ADAM22: variants seen among roughly 807,000 people sequenced by gnomAD.
The protein encoded by ADAM22 is ADAM metallopeptidase domain 22.
A neutral mutation model predicts 144.6 loss-of-function variants in ADAM22; 65 were observed. The observed-to-expected ratio is 0.45, with a 90% CI of 0.37 to 0.55. The LOEUF is 0.55. Among genes scored for constraint, ADAM22 ranks in the 20% least tolerant of loss-of-function variants. ADAM22 has a pLI of 0.00. For missense variants in ADAM22, 974 were observed against 1,184.9 expected (o/e 0.82, Z 2.61); for synonymous variants, 391 against 412.6 (o/e 0.95, Z 0.63).
rs1048650819 is a variant in ADAM22, at chr7:88,168,139, G to A, written c.2194G>A (p.Val732Ile). 1 of 1,612,476 alleles carries A rather than the reference G, an allele frequency of 6.2e-7. No individual in the cohort carries two copies. Among genetic ancestry groups the A allele is most frequent in the Non-Finnish European group, 8.5e-7 (1 of 1,179,276 alleles). Residue 732 changes from valine to isoleucine, a missense_variant and splice_region_variant, in exon 25 of 32, where the codon GTT becomes ATT. By Grantham distance (29) the Val-to-Ile change is conservative. Coordinates refer to ENST00000413139, the MANE Select transcript of ADAM22 (RefSeq NM_001324418.2). ...KTGITLSGNG[V>I]AGTNIIIGII... ...TTCTTTCTTTTTTTTCCTCTCAGGT[G>A]TTGCTGGCACCAATATCATAATAGG...
chr7:87,941,315 T>G (rs1842432912), intron 2 of ADAM22, among the ~76,000 whole-genome samples: 1 of 152,172 alleles, frequency 6.6e-6, no homozygotes, highest in Admixed American at 6.5e-5. Context: ...GCAGTAGGTG[T>G]GCTCCATTTT....
intron 7 of ADAM22, among the ~76,000 whole-genome samples, chr7:88,120,457 C>T (rs1829002836): frequency 6.6e-6 from 1 of 152,120 alleles, no homozygotes; most frequent in Admixed American, 6.6e-5. Flanking sequence ...TTTGTGTCAG[C>T]ACTCTATGAG....
intron 2 of ADAM22, among the ~76,000 whole-genome samples, chr7:87,941,242 T>C (rs1234413316): frequency 6.6e-6 from 1 of 152,168 alleles, no homozygotes; most frequent in Non-Finnish European, 1.5e-5. Context: ...AGATCTACAG[T>C]TTGTCATAGT....
chr7:88,045,888 T>TTGTGTGTGTGTGTGTG lies in ADAM22; in HGVS notation c.324-29708_324-29693dup, dbSNP rs59898382. Reference sequence around the variant, plus strand: ...CATTTTAAGGCTGAGTCGTATTCTATTGTGTGTGTGTGTGTGTGTGTGTGT... The same window carrying TTGTGTGTGTGTGTGTG: ...CATTTTAAGGCTGAGTCGTATTCTATTGTGTGTGTGTGTGTGTGTGTGTGTGTGTGTGTGTGTGTGT... On this transcript the variant is annotated intron_variant, in intron 3 of 31. Transcript: ENST00000413139. Among the ~76,000 whole-genome samples, 135 of 134,014 alleles carry TTGTGTGTGTGTGTGTG rather than the reference T, an allele frequency of 1.0e-3. 2 individuals carry two copies. Among genetic ancestry groups the TTGTGTGTGTGTGTGTG allele is most frequent in the Middle Eastern group, 3.8e-3 (1 of 262 alleles). The allele number at this position is 134,014 out of a possible 152,430, so 87.9% of individuals were successfully genotyped here.
intron 31 of ADAM22, among the ~76,000 whole-genome samples, chr7:88,193,919 A>G (rs1169341209): frequency 6.6e-6 from 1 of 152,242 alleles, no homozygotes; most frequent in African/African-American, 2.4e-5. Flanking sequence ...AGAAGGCACA[A>G]ATAATTAAAA....
intron 9 of ADAM22, 33 bp from the exon 10 acceptor site, chr7:88,130,355 G>C (rs771272638): frequency 3.2e-6 from 5 of 1,566,450 alleles, no homozygotes; most frequent in Non-Finnish European, 4.4e-6. Context: ...TGATCACTTT[G>C]CAAGACCTTC....
chr7:88,082,086 A>G (rs1246605385), intron 4 of ADAM22, among the ~76,000 whole-genome samples: 2 of 152,206 alleles, frequency 1.3e-5, no homozygotes, highest in African/African-American at 2.4e-5. Flanking sequence ...ACTTCAAACT[A>G]TACTACAAGG....
chr7:87,935,090 C>T lies in ADAM22; in HGVS notation c.150C>T (p.Ile50=). The change falls in exon 2 of 32, where the codon ATC becomes ATT. Residue 50 remains isoleucine (I), a synonymous_variant. Coordinates refer to ENST00000413139, the MANE Select transcript of ADAM22 (RefSeq NM_001324418.2). ...ACCGCTTCGTGGAGCGCCAGAGCAT[C>T]GTGCCACTGCGCCTCATCTACCGCT... ...KENRFVERQS[I]VPLRLIYRSG... 3 of 1,614,104 alleles carry T rather than the reference C, an allele frequency of 1.9e-6. No homozygotes were observed. Among genetic ancestry groups the T allele is most frequent in the South Asian group, 2.2e-5 (2 of 91,084 alleles).
chr7:87,988,086 A>G (rs1788893099), intron 3 of ADAM22, among the ~76,000 whole-genome samples: 1 of 152,208 alleles, frequency 6.6e-6, no homozygotes, highest in African/African-American at 2.4e-5. Flanking sequence ...AAAGAAACAA[A>G]GAAAGATTAA....
intron 2 of ADAM22, among the ~76,000 whole-genome samples, chr7:87,943,315 GTAA>G (rs1430683279): frequency 6.6e-6 from 1 of 151,712 alleles, no homozygotes; most frequent in Admixed American, 6.6e-5. Context: ...GGTTATACAG[GTAA>G]TAAGTGGTAG....
intron 3 of ADAM22, among the ~76,000 whole-genome samples, chr7:87,985,298 G>A (rs929138782): frequency 2.7e-5 from 4 of 150,146 alleles, no homozygotes; most frequent in African/African-American, 7.4e-5. Flanking sequence ...GGGCGACAGA[G>A]TGAGACTCCA....
intron 7 of ADAM22, among the ~76,000 whole-genome samples, chr7:88,124,254 C>A (rs190551423): frequency 8.6e-5 from 13 of 151,752 alleles, no homozygotes; most frequent in African/African-American, 3.1e-4. Context: ...TTTCTCCTTT[C>A]AGGTCTGTCA....
chr7:88,183,525 T>G (rs553093331), intron 29 of ADAM22, among the ~76,000 whole-genome samples: 3 of 152,120 alleles, frequency 2.0e-5, no homozygotes, highest in Non-Finnish European at 4.4e-5. Flanking sequence ...CTAGAGCAGT[T>G]ACTTATTTTT....
intron 2 of ADAM22, among the ~76,000 whole-genome samples, chr7:87,964,977 G>T (rs151227919): frequency 6.6e-5 from 10 of 152,280 alleles, no homozygotes; most frequent in African/African-American, 2.2e-4. Context: ...AGGGCTGGTA[G>T]TCTGTTTTCT....
intron 14 of ADAM22, among the ~76,000 whole-genome samples, chr7:88,138,179 C>T (rs1262475364): frequency 2.0e-5 from 3 of 152,062 alleles, no homozygotes; most frequent in Admixed American, 6.6e-5. Context: ...TAAAATATTT[C>T]TCCAAAAATC....
At chr7:87,990,323 A>G (rs1374602573) in intron 3 of ADAM22, among the ~76,000 whole-genome samples, 2 of 152,230 alleles carry the variant, frequency 1.3e-5, no homozygotes, top group East Asian at 1.9e-4. Flanking sequence ...TCATTTTTCT[A>G]CAGACACTAA....
intron 29 of ADAM22, among the ~76,000 whole-genome samples, chr7:88,182,982 T>C (rs1847454501): frequency 6.6e-6 from 1 of 152,202 alleles, no homozygotes; most frequent in Non-Finnish European, 1.5e-5. Flanking sequence ...GTCAAAAACT[T>C]ATGTTAGCTT....
At chr7:88,071,391 A>ATTTTT (rs71297113) in intron 3 of ADAM22, among the ~76,000 whole-genome samples, 2 of 126,056 alleles carry the variant, frequency 1.6e-5, no homozygotes, top group African/African-American at 3.0e-5. Context: ...TTATGAAGTG[A>ATTTTT]TTTTTTTTTT....
chr7:88,125,761 G>T, intron 8 of ADAM22, 102 bp downstream of exon 8: 1 of 981,764 alleles, frequency 1.0e-6, no homozygotes, highest in Non-Finnish European at 1.5e-6. Context: ...GTATTAGTTT[G>T]GGAATTTGTC....
Sources: allele counts gnomAD v4.1 joint callset (sites outside exome capture counted in the v4.1 genomes callset), GRCh38; gene constraint gnomAD v4.1.1; transcripts MANE v1.5; gene names NCBI Gene and HGNC (gene_info 2026-07-23, HGNC 2026-07-21).